The following GREM2 variants were observed in gnomAD, a reference collection of about 807,000 sequenced individuals.
GREM2 encodes the protein gremlin 2, DAN family BMP antagonist.
Under a neutral mutation model 14.2 loss-of-function variants are expected in GREM2, and 11 were observed. The observed-to-expected ratio is 0.78, with a 90% CI of 0.49 to 1.28. GREM2 has a LOEUF of 1.28. Among genes scored for constraint, GREM2 ranks in the 50% most tolerant of loss-of-function variants. The pLI is 0.00. For missense variants in GREM2, 210 were observed against 218.5 expected (o/e 0.96, Z 0.24); for synonymous variants, 98 against 97.6 (o/e 1.00, Z -0.02).
intron 1 of GREM2, among the ~76,000 whole-genome samples, chr1:240,508,439 A>C (rs1310647463): frequency 1.3e-5 from 2 of 152,220 alleles, no homozygotes; most frequent in Non-Finnish European, 2.9e-5. Context: ...ATATTTACTG[A>C]GTGCACATGT....
intron 1 of GREM2, among the ~76,000 whole-genome samples, chr1:240,535,871 A>G (rs1439820649): frequency 6.6e-6 from 1 of 152,102 alleles, no homozygotes; most frequent in Non-Finnish European, 1.5e-5. Flanking sequence ...AGAGAGAAAG[A>G]CAAGCCTAGT....
intron 1 of GREM2, among the ~76,000 whole-genome samples, chr1:240,602,091 T>C (rs181066047): frequency 4.0e-4 from 61 of 152,250 alleles, no homozygotes; most frequent in African/African-American, 1.4e-3. Context: ...TATCTTGGCA[T>C]CCTTTAATAC....
chr1:240,607,703 C>T (rs370664055), intron 1 of GREM2, among the ~76,000 whole-genome samples: 20 of 152,240 alleles, frequency 1.3e-4, no homozygotes, highest in Non-Finnish European at 1.8e-4. Context: ...ATCTGTTTTT[C>T]GTCTATTAGA....
At chr1:240,498,604 G>A (rs1029002951) in intron 1 of GREM2, among the ~76,000 whole-genome samples, 2 of 152,112 alleles carry the variant, frequency 1.3e-5, no homozygotes, top group African/African-American at 2.4e-5. Context: ...GCCTCTGTCC[G>A]TTCGCTCATC....
chr1:240,609,439 T>C (rs1680090520), intron 1 of GREM2, among the ~76,000 whole-genome samples: 1 of 152,014 alleles, frequency 6.6e-6, no homozygotes, highest in Non-Finnish European at 1.5e-5. Context: ...TTATACCTAA[T>C]ATTATTAGAA....
chr1:240,550,811 T>A (rs907151330), intron 1 of GREM2, among the ~76,000 whole-genome samples: 1 of 152,246 alleles, frequency 6.6e-6, no homozygotes, highest in African/African-American at 2.4e-5. Flanking sequence ...CTATTACGAA[T>A]GATCAAAAGC....
intron 1 of GREM2, among the ~76,000 whole-genome samples, chr1:240,574,370 AAAT>A (rs1357870411): frequency 6.6e-6 from 1 of 152,284 alleles, no homozygotes; most frequent in African/African-American, 2.4e-5. Flanking sequence ...AGTAATATAA[AAAT>A]AACTTCTCTC....
chr1:240,537,274 A>C (rs967507725), intron 1 of GREM2, among the ~76,000 whole-genome samples: 3 of 152,214 alleles, frequency 2.0e-5, no homozygotes, highest in Admixed American at 1.3e-4. Context: ...TGCTGGACAA[A>C]ATTAGTTATC....
intron 1 of GREM2, among the ~76,000 whole-genome samples, chr1:240,599,910 C>A (rs1366154553): frequency 1.3e-5 from 2 of 152,162 alleles, no homozygotes; most frequent in African/African-American, 2.4e-5. Flanking sequence ...CCAAATGAAA[C>A]AACAACAACA....
At chr1:240,562,937 AGTGTGTGAGTGTGTAT>A (rs1196847931) in intron 1 of GREM2, among the ~76,000 whole-genome samples, 2 of 120,424 alleles carry the variant, frequency 1.7e-5, no homozygotes, top group Non-Finnish European at 3.4e-5. Context: ...TATGTGTGTG[AGTGTGTGAGTGTGTAT>A]GTGTGTGAGT....
intron 1 of GREM2, among the ~76,000 whole-genome samples, chr1:240,581,128 T>C (rs1679474439): frequency 6.6e-6 from 1 of 151,934 alleles, no homozygotes; most frequent in African/African-American, 2.4e-5. Flanking sequence ...TGCATGCCTG[T>C]AGTCCCAGCT....
At chr1:240,529,002 C>T (rs1048399960) in intron 1 of GREM2, among the ~76,000 whole-genome samples, 3 of 152,090 alleles carry the variant, frequency 2.0e-5, no homozygotes, top group Admixed American at 6.5e-5. Flanking sequence ...AGGTGGAACA[C>T]GATCAAAACT....
intron 1 of GREM2, among the ~76,000 whole-genome samples, chr1:240,496,846 C>T (rs1344188291): frequency 1.3e-5 from 2 of 152,096 alleles, no homozygotes; most frequent in Non-Finnish European, 2.9e-5. Context: ...CCCGTCTCTA[C>T]TAAAAATACA....
intron 1 of GREM2, among the ~76,000 whole-genome samples, chr1:240,528,825 A>T (rs1371907760): frequency 6.6e-6 from 1 of 152,144 alleles, no homozygotes; most frequent in Non-Finnish European, 1.5e-5. Context: ...ATATCCGAGT[A>T]GAGCTTCAGA....
At chr1:240,532,173 T>C (rs1157858066) in intron 1 of GREM2, among the ~76,000 whole-genome samples, 1 of 151,964 alleles carries the variant, frequency 6.6e-6, no homozygotes, top group Non-Finnish European at 1.5e-5. Flanking sequence ...AACCTCCGCC[T>C]CCCAGGTTCA....
intron 1 of GREM2, among the ~76,000 whole-genome samples, chr1:240,605,037 C>G (rs950063222): frequency 6.6e-6 from 1 of 152,112 alleles, no homozygotes. Flanking sequence ...TCTCCTCTAC[C>G]TTTGCCTCTT....
At chr1:240,562,988 GTGTA>G (rs1679093171) in intron 1 of GREM2, among the ~76,000 whole-genome samples, 2 of 147,580 alleles carry the variant, frequency 1.4e-5, no homozygotes, top group South Asian at 4.2e-4. Context: ...ATATGTAAGT[GTGTA>G]TGTGTGTATA....
chr1:240,580,699 C>T lies in GREM2; in HGVS notation c.-2+31185G>A, dbSNP rs536003687. ...AAGCAATCCTCCTGCCTCAGCCTCTCGAGTAGCCAAGACTACAGGTGGGCC... is the reference window on the plus strand; with the variant it reads ...AAGCAATCCTCCTGCCTCAGCCTCTTGAGTAGCCAAGACTACAGGTGGGCC... On this transcript the variant is annotated intron_variant, in intron 1 of 1. Transcript: ENST00000318160. 7.9e-5 allele frequency among the ~76,000 whole-genome samples: 12 copies of T among 152,246 alleles called. No homozygotes were observed. In the South Asian group the frequency reaches 1.9e-3, roughly 24 times the overall value.
intron 1 of GREM2, chr1:240,588,836 G>C (rs1335267169): frequency 6.6e-6 from 1 of 152,130 alleles, no homozygotes; most frequent in African/African-American, 2.4e-5. Flanking sequence ...TTCCGGCTGG[G>C]CTGGATGGCT....
Sources: allele counts gnomAD v4.1 joint callset (sites outside exome capture counted in the v4.1 genomes callset), GRCh38; gene constraint gnomAD v4.1.1; transcripts MANE v1.5; gene names NCBI Gene and HGNC (gene_info 2026-07-23, HGNC 2026-07-21).